The following SAMD12 variants were observed in gnomAD, a reference collection of about 807,000 sequenced individuals.
The protein encoded by SAMD12 is sterile alpha motif domain-containing protein 12.
A neutral mutation model predicts 15.0 loss-of-function variants in SAMD12; 9 were observed. That is an observed-to-expected ratio of 0.60 (90% CI 0.36 to 1.05). SAMD12 has a LOEUF of 1.05. Among genes scored for constraint, SAMD12 ranks in the 50% least tolerant of loss-of-function variants. The probability of loss-of-function intolerance (pLI) is 0.01; values close to 1 mark genes in which losing one functional copy is unlikely to be tolerated. For missense variants in SAMD12, 230 were observed against 234.2 expected (o/e 0.98, Z 0.12); for synonymous variants, 86 against 90.1 (o/e 0.96, Z 0.25).
At chr8:118,177,309 T>C in the SAMD12 span, among the ~76,000 whole-genome samples, 1 of 150,634 alleles carries the variant, frequency 6.6e-6, no homozygotes, top group East Asian at 2.0e-4. Context: ...GGTACAATCA[T>C]AGCTCACTGC....
intron 2 of SAMD12, among the ~76,000 whole-genome samples, chr8:118,575,401 T>C (rs779983676): frequency 6.6e-6 from 1 of 152,218 alleles, no homozygotes; most frequent in Non-Finnish European, 1.5e-5. Context: ...TAACCTCTTC[T>C]TTTGCCTAGT....
chr8:118,331,079 C>A (rs7005209), intron 4 of SAMD12, among the ~76,000 whole-genome samples: 36,651 of 150,644 alleles, frequency 0.24, 5,576 homozygotes, highest in African/African-American at 0.44. Context: ...TAAGAAATCT[C>A]TATTTGCAAA....
chr8:118,551,559 C>T (rs187632947), intron 2 of SAMD12, among the ~76,000 whole-genome samples: 2 of 152,090 alleles, frequency 1.3e-5, no homozygotes, highest in Non-Finnish European at 2.9e-5. Context: ...CAGTAAATGC[C>T]AACAAGAGAA....
chr8:118,562,114 C>T (rs1166073786), intron 2 of SAMD12, among the ~76,000 whole-genome samples: 1 of 152,222 alleles, frequency 6.6e-6, no homozygotes, highest in Non-Finnish European at 1.5e-5. Flanking sequence ...ATACCATACA[C>T]ACTGGATTTT....
At chr8:118,142,646 C>T in the SAMD12 span, among the ~76,000 whole-genome samples, 8 of 152,344 alleles carry the variant, frequency 5.3e-5, no homozygotes, top group Non-Finnish European at 1.0e-4. Context: ...AATTCAAGTA[C>T]TCCTACATTG....
chr8:118,153,654 C>G, the SAMD12 span, among the ~76,000 whole-genome samples: 1 of 152,076 alleles, frequency 6.6e-6, no homozygotes, highest in Non-Finnish European at 1.5e-5. Flanking sequence ...CCCTCATTGG[C>G]CTTAGAACTG....
intron 4 of SAMD12, among the ~76,000 whole-genome samples, chr8:118,202,117 G>C (rs1265187601): frequency 6.6e-6 from 1 of 152,162 alleles, no homozygotes; most frequent in Non-Finnish European, 1.5e-5. Flanking sequence ...TCACCAGGCT[G>C]CTGTGTTGTT....
chr8:118,304,764 A>ATAAG (rs1815229012), intron 4 of SAMD12, among the ~76,000 whole-genome samples: 1 of 56,774 alleles, frequency 1.8e-5, no homozygotes, highest in Non-Finnish European at 3.0e-5. Flanking sequence ...CATCTCATAA[A>ATAAG]TAAATAAATA....
intron 4 of SAMD12, among the ~76,000 whole-genome samples, chr8:118,347,003 A>G (rs1039542925): frequency 1.3e-5 from 2 of 152,314 alleles, no homozygotes; most frequent in Non-Finnish European, 1.5e-5. Context: ...TCCCGGACTC[A>G]TGGGATTCCT....
intron 3 of SAMD12, among the ~76,000 whole-genome samples, chr8:118,423,952 G>A (rs758654471): frequency 1.3e-5 from 2 of 152,128 alleles, no homozygotes; most frequent in African/African-American, 2.4e-5. Context: ...AAGGAAGGGC[G>A]AGAATCACAT....
At chr8:118,167,653 G>T in the SAMD12 span, among the ~76,000 whole-genome samples, 2 of 152,238 alleles carry the variant, frequency 1.3e-5, no homozygotes, top group Non-Finnish European at 2.9e-5. Flanking sequence ...TGAGATTAAA[G>T]AAGCTGTTTT....
chr8:118,372,167 T>A (rs146244746), intron 4 of SAMD12, among the ~76,000 whole-genome samples: 1 of 152,174 alleles, frequency 6.6e-6, no homozygotes. Context: ...TAAAAAGGAA[T>A]CTGACTGGCT....
intron 4 of SAMD12, among the ~76,000 whole-genome samples, chr8:118,209,053 T>A (rs1819945938): frequency 6.6e-6 from 1 of 152,184 alleles, no homozygotes; most frequent in Non-Finnish European, 1.5e-5. Context: ...ATTGGCAAAA[T>A]CAAGCAAGAA....
rs116399887 is a variant in SAMD12 at position 118,212,864 on chromosome 8, A to G, written c.434-15132T>C. 2.3e-3 allele frequency among the ~76,000 whole-genome samples: 355 copies of G among 152,332 alleles called. 1 individual carries two copies. Among genetic ancestry groups the G allele is most frequent in the African/African-American group, 7.4e-3 (307 of 41,578 alleles). ...CAAGACTTCCTAGATTGTAAAAGGT[A>G]CAATTCAGAAATGTTAAAATATGAG... On this transcript the variant is annotated intron_variant, in intron 4 of 4. Coordinates refer to the SAMD12 transcript ENST00000409003.
intron 4 of SAMD12, among the ~76,000 whole-genome samples, chr8:118,283,618 A>T (rs1322365931): frequency 2.0e-5 from 3 of 152,246 alleles, no homozygotes; most frequent in African/African-American, 7.2e-5. Flanking sequence ...CACAAGAGTG[A>T]GAACAAGCAA....
At position 118,430,109 on chromosome 8, in the gene SAMD12, T is replaced by C. The variant is rs576456560; in HGVS notation, c.322+9723A>G. Among the ~76,000 whole-genome samples the C allele has an allele frequency of 5.3e-5, 8 of 152,204 alleles. No homozygotes were observed. In the South Asian group the frequency reaches 1.7e-3, roughly 32 times the overall value. ...AATTTTGTCAAATGCTTTCTCTGCATCTATTGAGAAGAATGTATATTGGAC... is the reference window on the plus strand; with the variant it reads ...AATTTTGTCAAATGCTTTCTCTGCACCTATTGAGAAGAATGTATATTGGAC... On this transcript the variant is annotated intron_variant, in intron 3 of 3. Transcript: ENST00000314727.
At chr8:118,238,202 C>T (rs1160990752) in intron 4 of SAMD12, among the ~76,000 whole-genome samples, 1 of 151,908 alleles carries the variant, frequency 6.6e-6, no homozygotes, top group Non-Finnish European at 1.5e-5. Context: ...GAGAGGGTTA[C>T]GTGAGATCAT....
chr8:118,407,687 T>C (rs1821201659), intron 3 of SAMD12, among the ~76,000 whole-genome samples: 1 of 152,170 alleles, frequency 6.6e-6, no homozygotes, highest in Non-Finnish European at 1.5e-5. Context: ...CCCAGGTGAT[T>C]TTTGGTGACA....
chr8:118,563,187 G>A (rs751228622), intron 2 of SAMD12, among the ~76,000 whole-genome samples: 9 of 152,250 alleles, frequency 5.9e-5, no homozygotes, highest in Admixed American at 1.3e-4. Flanking sequence ...AAAGCAAGCC[G>A]CCTATTTCAT....
Sources: gnomAD v4.1 joint callset for allele counts (sites outside exome capture counted in the v4.1 genomes callset) on GRCh38, gnomAD v4.1.1 for gene constraint, MANE v1.5 for transcripts, NCBI Gene and HGNC (gene_info 2026-07-23, HGNC 2026-07-21) for gene names.